GPHN: variants seen among roughly 807,000 people sequenced by gnomAD.
GPHN encodes gephyrin.
In GPHN, 17 loss-of-function variants were observed where a neutral mutation model predicts 95.5. The ratio of observed to expected loss-of-function variants is 0.18; its 90% CI spans 0.12 to 0.27. The LOEUF (loss-of-function observed/expected upper bound fraction) is 0.27, where lower values mean the gene tolerates loss of function less well. Among genes scored for constraint, GPHN ranks in the 10% least tolerant of loss-of-function variants. The pLI, the probability that GPHN is intolerant of heterozygous loss-of-function variation, is 1.00. For synonymous variants in GPHN, 320 were observed against 322.5 expected (o/e 0.99, Z 0.08); for missense variants, 660 against 978.1 (o/e 0.67, Z 4.34).
At chr14:67,725,019 C>T in the GPHN span, 40 of 1,494,812 alleles carry the variant, frequency 2.7e-5, 1 homozygote, top group East Asian at 7.2e-4. Context: ...TGCTCTGTCC[C>T]CCAGTCCCAA....
chr14:66,517,864 T>A (rs974943589), intron 1 of GPHN, among the ~76,000 whole-genome samples: 4 of 152,060 alleles, frequency 2.6e-5, no homozygotes, highest in Admixed American at 2.0e-4. Flanking sequence ...GGGAAATGTT[T>A]CAGGACATTG....
intron 1 of GPHN, among the ~76,000 whole-genome samples, chr14:66,528,212 A>G (rs2058769063): frequency 6.6e-6 from 1 of 152,190 alleles, no homozygotes; most frequent in African/African-American, 2.4e-5. Context: ...CTTTACCATT[A>G]TGTAATGTCC....
chr14:67,600,194 C>T, the GPHN span: 1 of 1,578,806 alleles, frequency 6.3e-7, no homozygotes, highest in Non-Finnish European at 8.6e-7. Flanking sequence ...AAGCTCCGCT[C>T]ATCCTCCATG....
At chr14:67,209,673 C>A in the GPHN span, among the ~76,000 whole-genome samples, 1 of 151,498 alleles carries the variant, frequency 6.6e-6, no homozygotes, top group East Asian at 1.9e-4. Flanking sequence ...CAAAAATTAG[C>A]CAGGTGTGGT....
At chr14:67,367,974 C>G in the GPHN span, among the ~76,000 whole-genome samples, 100 of 152,248 alleles carry the variant, frequency 6.6e-4, no homozygotes, top group Non-Finnish European at 1.2e-3. Flanking sequence ...AACTATTTGT[C>G]TCATTTGTGC....
chr14:67,105,713 A>G (rs1237762043), intron 13 of GPHN, among the ~76,000 whole-genome samples: 2 of 152,064 alleles, frequency 1.3e-5, no homozygotes, highest in South Asian at 2.1e-4. Flanking sequence ...CTTTCAGTCT[A>G]TATCTGTATA....
At chr14:67,601,094 G>A in the GPHN span, among the ~76,000 whole-genome samples, 12 of 152,312 alleles carry the variant, frequency 7.9e-5, no homozygotes, top group South Asian at 2.5e-3. Context: ...AAATAAGAGA[G>A]TATCGTTGGC....
At chr14:67,620,674 A>T in the GPHN span, among the ~76,000 whole-genome samples, 1 of 152,066 alleles carries the variant, frequency 6.6e-6, no homozygotes, top group African/African-American at 2.4e-5. Flanking sequence ...AGCCAGCCCC[A>T]CACACGCCTA....
chr14:67,151,914 G>A (rs2081309950), intron 18 of GPHN, among the ~76,000 whole-genome samples: 1 of 152,122 alleles, frequency 6.6e-6, no homozygotes, highest in Non-Finnish European at 1.5e-5. Context: ...AGAGTGCTGG[G>A]ATTTCAGACT....
At chr14:67,480,981 A>G in the GPHN span, among the ~76,000 whole-genome samples, 1 of 152,290 alleles carries the variant, frequency 6.6e-6, no homozygotes, top group Middle Eastern at 3.4e-3. Flanking sequence ...AGAGAAACCT[A>G]GGGTGAGAGA....
the GPHN span, among the ~76,000 whole-genome samples, chr14:67,231,300 G>A: frequency 6.6e-6 from 1 of 152,274 alleles, no homozygotes; most frequent in South Asian, 2.1e-4. Context: ...GTAGTTTGAG[G>A]AAACTTTTTA....
chr14:67,430,409 C>T, the GPHN span, among the ~76,000 whole-genome samples: 1 of 152,212 alleles, frequency 6.6e-6, no homozygotes, highest in Non-Finnish European at 1.5e-5. Context: ...GCCGGACCCA[C>T]GCCTGGTCCC....
chr14:66,993,498 G>C (rs1479999587), intron 9 of GPHN, among the ~76,000 whole-genome samples: 1 of 152,074 alleles, frequency 6.6e-6, no homozygotes, highest in Non-Finnish European at 1.5e-5. Context: ...TTCCCCTGAA[G>C]ACCATGATGA....
chr14:67,702,565 T>C, the GPHN span, among the ~76,000 whole-genome samples: 5 of 152,340 alleles, frequency 3.3e-5, no homozygotes, highest in Non-Finnish European at 5.9e-5. Flanking sequence ...TAGGCAAATA[T>C]GTATGTTGAC....
At chr14:66,830,557 AAG>A (rs758327779) in intron 4 of GPHN, among the ~76,000 whole-genome samples, 7 of 152,138 alleles carry the variant, frequency 4.6e-5, no homozygotes, top group Non-Finnish European at 1.0e-4. Flanking sequence ...ACTCAAACAA[AAG>A]AAGAAATAGC....
chr14:67,533,735 C>T, the GPHN span: 8 of 152,066 alleles, frequency 5.3e-5, no homozygotes, highest in African/African-American at 1.9e-4. Context: ...TCCCTTTCAC[C>T]CCTTCCCGCA....
At chr14:66,699,124 CATG>C (rs1168879762) in intron 2 of GPHN, among the ~76,000 whole-genome samples, 1 of 152,164 alleles carries the variant, frequency 6.6e-6, no homozygotes, top group African/African-American at 2.4e-5. Context: ...AGCAGTGTAG[CATG>C]ATAACTAAAT....
intron 1 of GPHN, among the ~76,000 whole-genome samples, chr14:66,547,766 G>T (rs560464028): frequency 5.3e-5 from 8 of 152,264 alleles, no homozygotes; most frequent in Admixed American, 1.3e-4. Context: ...ATGTTCTGAG[G>T]CATTTATGCT....
intron 1 of GPHN, among the ~76,000 whole-genome samples, chr14:66,563,778 C>A (rs977860868): frequency 2.0e-5 from 3 of 151,828 alleles, no homozygotes; most frequent in African/African-American, 7.3e-5. Flanking sequence ...TTTTTCTTGG[C>A]CAACTTAATC....
Sources: gnomAD v4.1 joint callset for allele counts (sites outside exome capture counted in the v4.1 genomes callset) on GRCh38, gnomAD v4.1.1 for gene constraint, MANE v1.5 for transcripts, NCBI Gene and HGNC (gene_info 2026-07-23, HGNC 2026-07-21) for gene names.